KIRREL3: variants seen among roughly 807,000 people sequenced by gnomAD.
KIRREL3 encodes the protein kirre like nephrin family adhesion molecule 3, also known as kin of IRRE-like protein 3.
In KIRREL3, 36 loss-of-function variants were observed where a neutral mutation model predicts 89.7. That is an observed-to-expected ratio of 0.40 (90% confidence interval 0.31 to 0.53). The LOEUF (loss-of-function observed/expected upper bound fraction) is 0.53. KIRREL3 is among the 20% of genes least tolerant of loss of function. The pLI, the probability that KIRREL3 is intolerant of heterozygous loss-of-function variation, is 0.49. For missense variants in KIRREL3, 864 were observed against 1,056.6 expected, an observed-to-expected ratio of 0.82 and a Z score of 2.53; for synonymous variants, 445 against 441.4, an observed-to-expected ratio of 1.01 and a Z score of -0.10.
At chr11:126,980,421 T>G (rs962454782) in intron 1 of KIRREL3, among the ~76,000 whole-genome samples, 4 of 152,086 alleles carry the variant, frequency 2.6e-5, no homozygotes, top group African/African-American at 7.2e-5. Flanking sequence ...TATTGGGGCT[T>G]TGTTTTACAG....
intron 2 of KIRREL3, among the ~76,000 whole-genome samples, chr11:126,529,805 T>C (rs1958887544): frequency 6.6e-6 from 1 of 151,974 alleles, no homozygotes. Flanking sequence ...CAATTTTAAT[T>C]TTTGCACATT....
chr11:126,706,574 A>T (rs1947535704), intron 1 of KIRREL3, among the ~76,000 whole-genome samples: 1 of 152,238 alleles, frequency 6.6e-6, no homozygotes, highest in South Asian at 2.1e-4. Context: ...TTCTCTTCCA[A>T]AGGTACCATG....
rs374548168 is a variant in KIRREL3, at chr11:126,639,118, C to T, written c.56-76206G>A. 6.6e-6 allele frequency among the ~76,000 whole-genome samples: 1 copy of T among 152,152 alleles called. No homozygotes were observed. Among genetic ancestry groups the T allele is most frequent in the African/African-American group, 2.4e-5 (1 of 41,426 alleles). ...TTTCTTCATGACTTGGCCAGCCCCC[C>T]AATCATCCCAAAGCCCAGTTAAGAG... On this transcript the variant is annotated intron_variant, in intron 1 of 16. Transcript: ENST00000525144. The surrounding 1 kb of genome is among the most constrained non-coding windows in gnomAD (Gnocchi z 4.3).
In KIRREL3 at chr11:126,569,003, G is replaced by T. The variant is rs1285929497; in HGVS notation, c.56-6091C>A. On this transcript the variant is annotated intron_variant, in intron 1 of 16. Coordinates refer to ENST00000525144, the MANE Select transcript of KIRREL3 (RefSeq NM_032531.4). This position sits in a 1 kb window ranked among gnomAD's most constrained non-coding sequence, Gnocchi z 6.5. ...GGAAGACCAGCCAGGTGGCTGTCAT[G>T]GGAGAGGCCAAGGAACCAGAGAGCT... Among the ~76,000 whole-genome samples, 1 of 152,066 alleles carries T rather than the reference G, an allele frequency of 6.6e-6. No individual in the cohort carries two copies. The highest frequency in any genetic ancestry group is 1.5e-5 in the Non-Finnish European group (1 of 68,030).
At chr11:126,511,618 C>G (rs1204694514) in intron 4 of KIRREL3, among the ~76,000 whole-genome samples, 2 of 152,194 alleles carry the variant, frequency 1.3e-5, no homozygotes, top group African/African-American at 4.8e-5. Context: ...TAGGCTCTGG[C>G]CCCTGCCAAT....
At position 126,808,905 on chromosome 11, in the gene KIRREL3, G is replaced by A. The variant is rs188248395; in HGVS notation, c.55+191550C>T. On this transcript the variant is annotated intron_variant, in intron 1 of 16. Transcript: ENST00000525144. This position sits in a 1 kb window ranked among gnomAD's most constrained non-coding sequence, Gnocchi z 4.1. ...GCATGAGAAGGCCACTGTCAAGGTC[G>A]GGAGGTTCCAGAATGGACTGATTCT... Among the ~76,000 whole-genome samples, 2 of 152,152 alleles carry A rather than the reference G, an allele frequency of 1.3e-5. No individual in the cohort carries two copies. Among genetic ancestry groups the A allele is most frequent in the African/African-American group, 4.8e-5 (2 of 41,434 alleles).
At chr11:126,839,945 G>C (rs868783549) in intron 1 of KIRREL3, among the ~76,000 whole-genome samples, 1 of 152,170 alleles carries the variant, frequency 6.6e-6, no homozygotes, top group Non-Finnish European at 1.5e-5. Context: ...ACTTCGTACA[G>C]AGTGCATTCT....
Position 126,754,304 on chromosome 11 carries a change from A to C in KIRREL3, c.56-191392T>G, listed in dbSNP as rs1565704147. On this transcript the variant is annotated intron_variant, in intron 1 of 16. Coordinates refer to ENST00000525144, the MANE Select transcript of KIRREL3 (RefSeq NM_032531.4). The surrounding 1 kb of genome is among the most constrained non-coding windows in gnomAD (Gnocchi z 5.1). ...AAGACTTTTAATAGAAAGTGAGATT[A>C]AAAGAAAACTTGATGGAAAATAAAG... is the stretch of plus-strand genomic sequence containing the variant. 1.3e-5 allele frequency among the ~76,000 whole-genome samples: 2 copies of C among 152,318 alleles called. No homozygotes were observed. Among genetic ancestry groups the C allele is most frequent in the East Asian group, 3.9e-4 (2 of 5,190 alleles).
rs1958927108 is a variant in KIRREL3 at position 126,531,023 on chromosome 11, T to C, written c.134-4336A>G. On this transcript the variant is annotated intron_variant, in intron 2 of 16. Coordinates refer to ENST00000525144, the MANE Select transcript of KIRREL3 (RefSeq NM_032531.4). The surrounding 1 kb of genome is among the most constrained non-coding windows in gnomAD (Gnocchi z 4.7). ...TTTTGTATTTTTAGTAGAGACAGGG[T>C]TTCACCATATTGGCCAGGCTGGTCT... Among the ~76,000 whole-genome samples the C allele has an allele frequency of 1.3e-5, 2 of 152,000 alleles. No homozygotes were observed. The highest frequency in any genetic ancestry group is 4.8e-5 in the African/African-American group (2 of 41,374).
Position 126,921,205 on chromosome 11 carries a change from C to G in KIRREL3, c.55+79250G>C, listed in dbSNP as rs566112032. Among the ~76,000 whole-genome samples, 24 of 152,282 alleles carry G rather than the reference C, an allele frequency of 1.6e-4. No individual in the cohort carries two copies. In the East Asian group the frequency reaches 3.7e-3, roughly 23 times the overall value. On this transcript the variant is annotated intron_variant, in intron 1 of 16. Coordinates refer to ENST00000525144, the MANE Select transcript of KIRREL3 (RefSeq NM_032531.4). Reference sequence around the variant, plus strand: ...GACTCTGGGACTCGCACCAGGGGCTCCCCCAGATCTCAGGCCTTCAGAGAG... The same window carrying G: ...GACTCTGGGACTCGCACCAGGGGCTGCCCCAGATCTCAGGCCTTCAGAGAG...
At chr11:126,958,246 T>C (rs1431745266) in intron 1 of KIRREL3, among the ~76,000 whole-genome samples, 1 of 152,216 alleles carries the variant, frequency 6.6e-6, no homozygotes, top group African/African-American at 2.4e-5. Context: ...TGACCATTAG[T>C]TAGGCACAAA....
At chr11:126,937,956 A>G (rs1948277283) in intron 1 of KIRREL3, among the ~76,000 whole-genome samples, 1 of 152,218 alleles carries the variant, frequency 6.6e-6, no homozygotes, top group East Asian at 1.9e-4. Context: ...CCAGGGGAGC[A>G]GTGGGTAGAA....
intron 5 of KIRREL3, among the ~76,000 whole-genome samples, chr11:126,464,062 T>G (rs1193405773): frequency 6.6e-6 from 1 of 152,160 alleles, no homozygotes; most frequent in Non-Finnish European, 1.5e-5. Context: ...CTCCAAATTC[T>G]TGTCTACCAG....
In KIRREL3 at chr11:126,570,597, G is replaced by A. The variant is rs1208762522; in HGVS notation, c.56-7685C>T. On this transcript the variant is annotated intron_variant, in intron 1 of 16. Transcript: ENST00000525144. The surrounding 1 kb of genome is among the most constrained non-coding windows in gnomAD (Gnocchi z 6.1). ...CGTGCCGATCAGCACCTTACAGCTT[G>A]GTAAGCAGTGGCAGTGCCTAACACT... 2.0e-5 allele frequency among the ~76,000 whole-genome samples: 3 copies of A among 152,172 alleles called. No individual in the cohort carries two copies. Among genetic ancestry groups the A allele is most frequent in the South Asian group, 2.1e-4 (1 of 4,826 alleles).
intron 13 of KIRREL3, 101 bp downstream of exon 13, chr11:126,435,167 G>C: frequency 8.2e-7 from 1 of 1,223,742 alleles, no homozygotes; most frequent in Non-Finnish European, 1.2e-6. Context: ...GACACTAGCG[G>C]CCAGCACAGG....
At chr11:126,803,528 G>A (rs1951107110) in intron 1 of KIRREL3, among the ~76,000 whole-genome samples, 1 of 152,070 alleles carries the variant, frequency 6.6e-6, no homozygotes, top group South Asian at 2.1e-4. Context: ...TATTGTACAT[G>A]TATAAATAAA....
Position 126,537,612 on chromosome 11 carries a change from A to T in KIRREL3, c.134-10925T>A, listed in dbSNP as rs1938005396. On this transcript the variant is annotated intron_variant, in intron 2 of 16. Coordinates refer to ENST00000525144, the MANE Select transcript of KIRREL3 (RefSeq NM_032531.4). The surrounding 1 kb of genome is among the most constrained non-coding windows in gnomAD (Gnocchi z 4.3). ...AGCCTGGGTCCTGGACAGTAGGAAG[A>T]ACACAGGGTCAGTCAGCCCTAGGAA... 6.6e-6 allele frequency among the ~76,000 whole-genome samples: 1 copy of T among 152,172 alleles called. No individual in the cohort carries two copies. The highest frequency in any genetic ancestry group is 2.4e-5 in the African/African-American group (1 of 41,432).
chr11:126,477,795 C>T lies in KIRREL3; in HGVS notation c.434-4329G>A, dbSNP rs1255932635. Reference sequence around the variant, plus strand: ...GCTCCATCAGCCTGGGATGGTTGGTCTCTGAGCATGGCTGATCGGTGGCAG... The same window carrying T: ...GCTCCATCAGCCTGGGATGGTTGGTTTCTGAGCATGGCTGATCGGTGGCAG... On this transcript the variant is annotated intron_variant, in intron 4 of 16. Coordinates refer to ENST00000525144, the MANE Select transcript of KIRREL3 (RefSeq NM_032531.4). The surrounding 1 kb of genome is among the most constrained non-coding windows in gnomAD (Gnocchi z 4.8). 1.3e-5 allele frequency among the ~76,000 whole-genome samples: 2 copies of T among 152,148 alleles called. No homozygotes were observed. Among genetic ancestry groups the T allele is most frequent in the African/African-American group, 4.8e-5 (2 of 41,428 alleles).
Position 126,778,643 on chromosome 11 carries a change from T to C in KIRREL3, c.56-215731A>G, listed in dbSNP as rs907636710. Among the ~76,000 whole-genome samples, 10 of 152,224 alleles carry C rather than the reference T, an allele frequency of 6.6e-5. No homozygotes were observed. Among genetic ancestry groups the C allele is most frequent in the African/African-American group, 2.2e-4 (9 of 41,452 alleles). ...ACTGCTAGAAGAACACAAAAATGCA[T>C]ATGGTACAGCTTTTGAATGGTGTGA... On this transcript the variant is annotated intron_variant, in intron 1 of 16. Coordinates refer to ENST00000525144, the MANE Select transcript of KIRREL3 (RefSeq NM_032531.4). This position sits in a 1 kb window ranked among gnomAD's most constrained non-coding sequence, Gnocchi z 4.5.
Sources: gnomAD v4.1 joint callset for allele counts (sites outside exome capture counted in the v4.1 genomes callset) on GRCh38, gnomAD v4.1.1 for gene constraint, Gnocchi (gnomAD v3.1) non-coding constraint, MANE v1.5 for transcripts, NCBI Gene and HGNC (gene_info 2026-07-23, HGNC 2026-07-21) for gene names.